SHISA6: variants seen among roughly 807,000 people sequenced by gnomAD.
SHISA6 encodes the protein protein shisa-6.
A neutral mutation model predicts 47.9 loss-of-function variants in SHISA6; 22 were observed. That is an observed-to-expected ratio of 0.46 (90% CI 0.33 to 0.66). The LOEUF (loss-of-function observed/expected upper bound fraction) is 0.66. SHISA6 is among the 30% of genes least tolerant of loss of function. SHISA6 has a pLI of 0.02. For missense variants in SHISA6, 680 were observed against 764.6 expected, an observed-to-expected ratio of 0.89 and a Z score of 1.30; for synonymous variants, 388 against 337.8, an observed-to-expected ratio of 1.15 and a Z score of -1.63.
At chr17:11,482,786 A>C (rs1461105122) in intron 3 of SHISA6, among the ~76,000 whole-genome samples, 2 of 152,210 alleles carry the variant, frequency 1.3e-5, no homozygotes, top group Non-Finnish European at 2.9e-5. Context: ...AGAAGAAGTA[A>C]GATGCAATAA....
chr17:11,483,029 C>G (rs775701957), intron 3 of SHISA6, among the ~76,000 whole-genome samples: 4 of 151,992 alleles, frequency 2.6e-5, no homozygotes, highest in Non-Finnish European at 5.9e-5. Context: ...CGGCCAGGCA[C>G]GGTGGTTCAT....
chr17:11,259,869 G>A (rs574450849), intron 1 of SHISA6, among the ~76,000 whole-genome samples: 3 of 152,278 alleles, frequency 2.0e-5, no homozygotes, highest in South Asian at 2.1e-4. Context: ...TGAACAGAAG[G>A]ATGCCCGGGC....
At chr17:11,534,079 C>T (rs373145191) in intron 3 of SHISA6, among the ~76,000 whole-genome samples, 8 of 151,204 alleles carry the variant, frequency 5.3e-5, no homozygotes, top group Admixed American at 2.0e-4. Flanking sequence ...CGGGTTCAAG[C>T]GATTCTCCTC....
chr17:11,550,212 A>G (rs1397774566), intron 3 of SHISA6, among the ~76,000 whole-genome samples: 2 of 151,942 alleles, frequency 1.3e-5, no homozygotes, highest in African/African-American at 4.8e-5. Context: ...ATGCCACCCC[A>G]TGTCTGTATA....
chr17:11,533,480 CT>C (rs1483477965), intron 3 of SHISA6, among the ~76,000 whole-genome samples: 2 of 151,892 alleles, frequency 1.3e-5, no homozygotes, highest in Non-Finnish European at 2.9e-5. Flanking sequence ...GCCTTTCTTT[CT>C]GTGAAAGAAG....
chr17:11,337,420 C>T (rs1368872638), intron 2 of SHISA6, among the ~76,000 whole-genome samples: 2 of 152,146 alleles, frequency 1.3e-5, no homozygotes, highest in Admixed American at 1.3e-4. Context: ...CTTGCACCTG[C>T]ACGAGGCTGG....
chr17:11,314,529 A>ATTTTTTTTTTTTT (rs200230465), intron 2 of SHISA6, among the ~76,000 whole-genome samples: 2 of 143,652 alleles, frequency 1.4e-5, no homozygotes, highest in African/African-American at 2.5e-5. Context: ...CTGTTTTTTC[A>ATTTTTTTTTTTTT]TTTTTTTGTT....
At chr17:11,313,406 T>C (rs546004365) in intron 2 of SHISA6, among the ~76,000 whole-genome samples, 43 of 152,332 alleles carry the variant, frequency 2.8e-4, no homozygotes, top group Middle Eastern at 3.4e-3. Context: ...TTCTACATAC[T>C]GTGAATTCCT....
At chr17:11,294,558 A>T (rs902322489) in intron 2 of SHISA6, among the ~76,000 whole-genome samples, 11 of 152,194 alleles carry the variant, frequency 7.2e-5, no homozygotes, top group African/African-American at 2.4e-4. Context: ...CAGTCTTGCA[A>T]AGTTTGTTCC....
intron 3 of SHISA6, among the ~76,000 whole-genome samples, chr17:11,550,991 C>T (rs76166191): frequency 3.3e-5 from 5 of 152,142 alleles, no homozygotes; most frequent in African/African-American, 1.2e-4. Context: ...GAAATGAAAG[C>T]AGATATTCTA....
intron 2 of SHISA6, among the ~76,000 whole-genome samples, chr17:11,270,900 C>T (rs938793101): frequency 3.3e-5 from 5 of 152,126 alleles, no homozygotes; most frequent in Non-Finnish European, 7.4e-5. Flanking sequence ...AATGTCAGGT[C>T]CCATTCCCCT....
At chr17:11,288,184 A>G (rs963069366) in intron 2 of SHISA6, 2 of 152,222 alleles carry the variant, frequency 1.3e-5, no homozygotes, top group African/African-American at 4.8e-5. Context: ...ATAAATGATC[A>G]ATACTTCCTT....
intron 3 of SHISA6, among the ~76,000 whole-genome samples, chr17:11,417,426 ATTACCACCCGATAAC>A (rs1914313292): frequency 2.6e-5 from 4 of 152,180 alleles, no homozygotes; most frequent in Non-Finnish European, 4.4e-5. Flanking sequence ...TGCACCCTTT[ATTACCACCCGATAAC>A]CAGCTAGATG....
chr17:11,281,849 G>T (rs1909130793), intron 2 of SHISA6, among the ~76,000 whole-genome samples: 1 of 152,160 alleles, frequency 6.6e-6, no homozygotes, highest in African/African-American at 2.4e-5. Context: ...AACCAAGCAT[G>T]ACTAAAAAGT....
In SHISA6 at chr17:11,305,982, A is replaced by G. The variant is rs562472643; in HGVS notation, c.799+42456A>G. ...CTCTGAACACCAGATGCCTGTGCGT[A>G]CCCTTCTTCTTACAAACAGGACATC... On this transcript the variant is annotated intron_variant, in intron 2 of 5. Transcript: ENST00000441885. Among the ~76,000 whole-genome samples the G allele has an allele frequency of 1.1e-4, 17 of 152,154 alleles. No individual in the cohort carries two copies. In the South Asian group the frequency reaches 3.3e-3, roughly 30 times the overall value.
At chr17:11,245,749 T>TTG (rs1555570400) in intron 1 of SHISA6, among the ~76,000 whole-genome samples, 3 of 110,464 alleles carry the variant, frequency 2.7e-5, no homozygotes, top group South Asian at 3.3e-4. Flanking sequence ...GTGGGCAGGG[T>TTG]GGGGGGGGTG....
intron 2 of SHISA6, among the ~76,000 whole-genome samples, chr17:11,356,958 G>C (rs2142225718): frequency 6.6e-6 from 1 of 152,130 alleles, no homozygotes; most frequent in South Asian, 2.1e-4. Context: ...GGATCATGAG[G>C]TCAGGAGTTT....
At position 11,558,321 on chromosome 17, in the gene SHISA6, G is replaced by A. The variant is rs766152133; in HGVS notation, c.*17G>A. 69 of 1,533,304 alleles carry A rather than the reference G, an allele frequency of 4.5e-5. No individual in the cohort carries two copies. Among genetic ancestry groups the A allele is most frequent in the East Asian group, 2.2e-4 (9 of 40,866 alleles). 95.0% of individuals were successfully genotyped at this position (1,533,304 alleles called of 1,614,324 possible). A position where few individuals can be genotyped will look rare whatever the true frequency, so the allele number is the denominator to read the frequency against. On this transcript the variant is annotated 3_prime_UTR_variant, in exon 6 of 6. Transcript: ENST00000441885. ...ACCGTGTGACCGGCGGGGCAGGGCCGGGGCTGCTGGGCGTGGCAGAGCAGA... is the reference window on the plus strand; with the variant it reads ...ACCGTGTGACCGGCGGGGCAGGGCCAGGGCTGCTGGGCGTGGCAGAGCAGA...
rs2071818529 is a variant in SHISA6, at chr17:11,539,862, G to A, written c.896-12034G>A. ...CACTGTGCCAAAGCCCAGGACTCAT[G>A]AAGAGAGAAGGAGGAGGGACTGGTA... is the stretch of plus-strand genomic sequence containing the variant. On this transcript the variant is annotated intron_variant, in intron 3 of 5. Coordinates refer to ENST00000441885, the MANE Select transcript of SHISA6 (RefSeq NM_207386.4). Among the ~76,000 whole-genome samples, 3 of 152,224 alleles carry A rather than the reference G, an allele frequency of 2.0e-5. No homozygotes were observed. The South Asian group carries it at 6.2e-4, about 32-fold the overall frequency.
Sources: allele counts gnomAD v4.1 joint callset (sites outside exome capture counted in the v4.1 genomes callset), GRCh38; gene constraint gnomAD v4.1.1; transcripts MANE v1.5; gene names NCBI Gene and HGNC (gene_info 2026-07-23, HGNC 2026-07-21).